KALRN: variants seen among roughly 807,000 people sequenced by gnomAD.
KALRN encodes kalirin RhoGEF kinase.
A neutral mutation model predicts 353.7 loss-of-function variants in KALRN; 70 were observed. The observed-to-expected ratio is 0.20, with a 90% CI of 0.16 to 0.24. The LOEUF (loss-of-function observed/expected upper bound fraction) is 0.24, where lower values mean the gene tolerates loss of function less well. KALRN is among the 10% of genes least tolerant of loss of function. The pLI, the probability that KALRN is intolerant of heterozygous loss-of-function variation, is 1.00. For missense variants in KALRN, 2,791 were observed against 3,756.7 expected, an observed-to-expected ratio of 0.74 and a Z score of 6.72; for synonymous variants, 1,391 against 1,434.8, an observed-to-expected ratio of 0.97 and a Z score of 0.69.
At chr3:124,642,161 G>A (rs757844003) in intron 37 of KALRN, among the ~76,000 whole-genome samples, 14 of 152,150 alleles carry the variant, frequency 9.2e-5, no homozygotes, top group Non-Finnish European at 1.9e-4. Context: ...GCATGCGCCT[G>A]TAATCCCAGC....
chr3:124,550,004 T>C (rs952013578), intron 33 of KALRN, among the ~76,000 whole-genome samples: 1 of 152,108 alleles, frequency 6.6e-6, no homozygotes, highest in African/African-American at 2.4e-5. Context: ...GCAGAGCCCA[T>C]GTAAATTCTG....
intron 47 of KALRN, 51 bp downstream of exon 47, chr3:124,667,234 C>A (rs780221319): frequency 2.0e-6 from 3 of 1,521,850 alleles, no homozygotes; most frequent in South Asian, 1.2e-5. Context: ...GACTCCACGA[C>A]CTCTGAGCTT....
chr3:124,191,887 G>A (rs2074956550), intron 1 of KALRN, among the ~76,000 whole-genome samples: 1 of 152,202 alleles, frequency 6.6e-6, no homozygotes, highest in South Asian at 2.1e-4. Context: ...CAAGGGAATG[G>A]GAATTAGACT....
chr3:124,714,086 A>C (rs75554617), intron 58 of KALRN, among the ~76,000 whole-genome samples: 4 of 147,214 alleles, frequency 2.7e-5, no homozygotes, highest in African/African-American at 7.5e-5. Flanking sequence ...AAAAAAAAAA[A>C]CAGAGGGGAC....
chr3:124,049,963 C>T (rs1413087320), intron 1 of KALRN, among the ~76,000 whole-genome samples: 5 of 152,162 alleles, frequency 3.3e-5, no homozygotes, highest in Non-Finnish European at 5.9e-5. Context: ...TTTTGGATGA[C>T]TATTTCATTT....
In KALRN at chr3:124,092,274, A is replaced by G. The variant is rs930301743; in HGVS notation, c.73+58461A>G. ...CCCCAAGAATGAGGCTTGTAGCACT[A>G]GCACCATTAGAGCACTCTCTGGGAC... On this transcript the variant is annotated intron_variant, in intron 1 of 59. Transcript: ENST00000682506. Among the ~76,000 whole-genome samples, 11 of 152,296 alleles carry G rather than the reference A, an allele frequency of 7.2e-5. No homozygotes were observed. In the East Asian group the frequency reaches 2.1e-3, roughly 29 times the overall value.
chr3:124,621,409 A>T (rs1157595115), intron 34 of KALRN, among the ~76,000 whole-genome samples: 1 of 152,232 alleles, frequency 6.6e-6, no homozygotes, highest in Non-Finnish European at 1.5e-5. Flanking sequence ...TAAAGGATGC[A>T]TTGGAAAAGA....
At chr3:124,061,015 G>T (rs576952595) in intron 1 of KALRN, among the ~76,000 whole-genome samples, 1 of 152,212 alleles carries the variant, frequency 6.6e-6, no homozygotes. Flanking sequence ...CACTTACAAA[G>T]CACAGGTTCA....
intron 1 of KALRN, among the ~76,000 whole-genome samples, chr3:124,210,196 A>G (rs1444764): frequency 0.64 from 97,451 of 152,056 alleles, 31,917 homozygotes; most frequent in Non-Finnish European, 0.72. Flanking sequence ...AAATGAAATA[A>G]TATGTATAAA....
intron 11 of KALRN, 123 bp downstream of exon 11, chr3:124,385,159 T>C: frequency 2.7e-6 from 2 of 736,092 alleles, no homozygotes; most frequent in Non-Finnish European, 4.2e-6. Context: ...ACTTCCTAAC[T>C]TTGGTAATAT....
chr3:124,497,000 T>G (rs542211487), intron 33 of KALRN, among the ~76,000 whole-genome samples: 2 of 152,316 alleles, frequency 1.3e-5, no homozygotes, highest in Non-Finnish European at 2.9e-5. Flanking sequence ...GGAAGTGGTA[T>G]ACGAAGGGTG....
At chr3:124,273,335 G>A (rs2074364087) in intron 5 of KALRN, among the ~76,000 whole-genome samples, 1 of 152,204 alleles carries the variant, frequency 6.6e-6, no homozygotes, top group African/African-American at 2.4e-5. Flanking sequence ...AATAATCAAT[G>A]TTGAACAGCT....
Position 124,671,913 on chromosome 3 carries a change from A to T in KALRN, c.6942+15A>T, listed in dbSNP as rs1210973789. The T allele has an allele frequency of 6.4e-7, 1 of 1,554,364 alleles. No homozygotes were observed. Among genetic ancestry groups the T allele is most frequent in the South Asian group, 1.1e-5 (1 of 89,704 alleles). ...AAGCCAGCAAGGTAAGTGACAACTC[A>T]TTACTCCCACCCTTGTCACTACGAT... On this transcript the variant is annotated intron_variant, in intron 48 of 59. Transcript: ENST00000682506.
chr3:124,234,402 G>T (rs1282185752), intron 2 of KALRN, among the ~76,000 whole-genome samples: 1 of 152,134 alleles, frequency 6.6e-6, no homozygotes, highest in African/African-American at 2.4e-5. Context: ...ACCTCACAGA[G>T]GTCTATAAAG....
intron 5 of KALRN, among the ~76,000 whole-genome samples, chr3:124,297,941 A>G (rs952214614): frequency 1.3e-5 from 2 of 152,244 alleles, no homozygotes; most frequent in East Asian, 3.8e-4. Context: ...ATAACTAAAT[A>G]ACTAGGATTC....
chr3:124,173,178 T>C (rs1360300658), intron 1 of KALRN, among the ~76,000 whole-genome samples: 1 of 152,180 alleles, frequency 6.6e-6, no homozygotes, highest in Non-Finnish European at 1.5e-5. Context: ...GGTTAATATA[T>C]GGAGAATGGG....
intron 1 of KALRN, among the ~76,000 whole-genome samples, chr3:124,150,619 T>C (rs573125835): frequency 2.4e-4 from 36 of 152,316 alleles, no homozygotes; most frequent in African/African-American, 8.7e-4. Context: ...TAGATTTGAG[T>C]TTGCAAAGCA....
intron 1 of KALRN, among the ~76,000 whole-genome samples, chr3:124,085,193 C>T (rs1342964679): frequency 6.6e-6 from 1 of 152,234 alleles, no homozygotes; most frequent in Admixed American, 6.5e-5. Context: ...CACAGTTCTT[C>T]CTGCCTTGTC....
intron 16 of KALRN, 115 bp from the exon 17 acceptor site, chr3:124,434,192 G>A: frequency 1.5e-6 from 1 of 662,132 alleles, no homozygotes; most frequent in Non-Finnish European, 2.7e-6. Flanking sequence ...AAATGGATCA[G>A]TCATTTAAAG....
Sources: allele counts gnomAD v4.1 joint callset (sites outside exome capture counted in the v4.1 genomes callset), GRCh38; gene constraint gnomAD v4.1.1; transcripts MANE v1.5; gene names NCBI Gene and HGNC (gene_info 2026-07-23, HGNC 2026-07-21).